The following MYO1D variants were observed in gnomAD, a reference collection of about 807,000 sequenced individuals.
MYO1D encodes the protein myosin ID, also known as unconventional myosin-Id.
In MYO1D, 83 loss-of-function variants were observed where a neutral mutation model predicts 122.0. The ratio of observed to expected loss-of-function variants is 0.68; its 90% CI spans 0.57 to 0.82. MYO1D has a LOEUF of 0.82. Among genes scored for constraint, MYO1D ranks in the 40% least tolerant of loss-of-function variants. The pLI, the probability that MYO1D is intolerant of heterozygous loss-of-function variation, is 0.00. For missense variants in MYO1D, 1,157 were observed against 1,269.5 expected (o/e 0.91, Z 1.35); for synonymous variants, 464 against 446.9 (o/e 1.04, Z -0.48).
intron 21 of MYO1D, among the ~76,000 whole-genome samples, chr17:32,523,885 A>C (rs141282696): frequency 4.1e-4 from 62 of 152,118 alleles, no homozygotes; most frequent in Middle Eastern, 3.4e-3. Flanking sequence ...GCCGTGGGGC[A>C]AACTTCTTAA....
At chr17:32,547,597 C>T (rs1376988604) in intron 21 of MYO1D, among the ~76,000 whole-genome samples, 1 of 152,244 alleles carries the variant, frequency 6.6e-6, no homozygotes, top group Non-Finnish European at 1.5e-5. Context: ...CCAACCGCTT[C>T]TGCAGCATCC....
chr17:32,584,428 T>G (rs118156268), intron 21 of MYO1D, among the ~76,000 whole-genome samples: 336 of 152,292 alleles, frequency 2.2e-3, no homozygotes, highest in Non-Finnish European at 3.6e-3. Context: ...TCTTTTACCA[T>G]CTTAACTATT....
chr17:32,797,544 T>C (rs2090427926), intron 1 of MYO1D, among the ~76,000 whole-genome samples: 2 of 152,250 alleles, frequency 1.3e-5, no homozygotes, highest in African/African-American at 2.4e-5. Context: ...TTACAGTTTA[T>C]TGTTATAATT....
At chr17:32,608,413 A>C (rs1006745395) in intron 20 of MYO1D, among the ~76,000 whole-genome samples, 2 of 152,222 alleles carry the variant, frequency 1.3e-5, no homozygotes, top group Non-Finnish European at 2.9e-5. Context: ...TGCAAACTAA[A>C]ACTGCAATGG....
chr17:32,767,293 C>T (rs546400605), intron 7 of MYO1D, among the ~76,000 whole-genome samples: 23 of 152,220 alleles, frequency 1.5e-4, no homozygotes, highest in Non-Finnish European at 2.6e-4. Flanking sequence ...AATCCAGTTC[C>T]GATAACCTAT....
chr17:32,685,367 T>C (rs1434193668), intron 16 of MYO1D, among the ~76,000 whole-genome samples: 1 of 152,240 alleles, frequency 6.6e-6, no homozygotes, highest in Non-Finnish European at 1.5e-5. Flanking sequence ...GAAAATACTG[T>C]AATTAATATA....
intron 21 of MYO1D, among the ~76,000 whole-genome samples, chr17:32,509,607 A>G (rs1013493147): frequency 1.3e-5 from 2 of 150,490 alleles, no homozygotes; most frequent in African/African-American, 4.9e-5. Flanking sequence ...TTTTTTTGAG[A>G]CAGAGTCTTG....
chr17:32,576,987 C>A (rs926291066), intron 21 of MYO1D, among the ~76,000 whole-genome samples: 3 of 151,998 alleles, frequency 2.0e-5, no homozygotes, highest in Non-Finnish European at 4.4e-5. Context: ...TGGTGGCTCA[C>A]GCCTGTAATC....
At chr17:32,654,960 G>A (rs895768428) in intron 17 of MYO1D, among the ~76,000 whole-genome samples, 5 of 152,184 alleles carry the variant, frequency 3.3e-5, no homozygotes, top group South Asian at 2.1e-4. Flanking sequence ...TTACAGGCAT[G>A]AGCCACCACG....
chr17:32,526,512 T>C (rs1011090709), intron 21 of MYO1D, among the ~76,000 whole-genome samples: 1 of 152,134 alleles, frequency 6.6e-6, no homozygotes, highest in African/African-American at 2.4e-5. Context: ...CTAAGATTAA[T>C]ACCTAAATAC....
chr17:32,508,303 C>T (rs906967158), intron 21 of MYO1D, among the ~76,000 whole-genome samples: 28 of 151,890 alleles, frequency 1.8e-4, no homozygotes, highest in Middle Eastern at 3.4e-3. Flanking sequence ...GAGACAGAGT[C>T]TTGCTCTGTC....
rs975673669 is a variant in MYO1D at position 32,652,937 on chromosome 17, C to T, written c.2595+906G>A. 2.6e-5 allele frequency among the ~76,000 whole-genome samples: 4 copies of T among 152,076 alleles called. No individual in the cohort carries two copies. The East Asian group carries it at 5.8e-4, about 22-fold the overall frequency. ...CGGGCGGATCACGAGGTCAGGAGATCGAGACCATCCTGGCTAACATGGTGA... is the reference window on the plus strand; with the variant it reads ...CGGGCGGATCACGAGGTCAGGAGATTGAGACCATCCTGGCTAACATGGTGA... On this transcript the variant is annotated intron_variant, in intron 19 of 21. Coordinates refer to ENST00000318217, the MANE Select transcript of MYO1D (RefSeq NM_015194.3).
intron 1 of MYO1D, among the ~76,000 whole-genome samples, chr17:32,864,946 C>A (rs1021069756): frequency 6.6e-6 from 1 of 152,002 alleles, no homozygotes; most frequent in African/African-American, 2.4e-5. Flanking sequence ...TTAAAAAAAA[C>A]AGTTGTACTC....
At chr17:32,785,363 T>C (rs533553587) in intron 1 of MYO1D, among the ~76,000 whole-genome samples, 1 of 152,334 alleles carries the variant, frequency 6.6e-6, no homozygotes, top group African/African-American at 2.4e-5. Flanking sequence ...ACCTTATTCG[T>C]AAGTATTATT....
chr17:32,681,480 T>C (rs12559756), intron 16 of MYO1D, among the ~76,000 whole-genome samples: 59,573 of 144,038 alleles, frequency 0.41, 12,725 homozygotes, highest in East Asian at 0.52. Context: ...TCAAAGAACA[T>C]CTTTATTTCT....
At chr17:32,818,144 A>G (rs2090629573) in intron 1 of MYO1D, among the ~76,000 whole-genome samples, 1 of 146,478 alleles carries the variant, frequency 6.8e-6, no homozygotes, top group Non-Finnish European at 1.5e-5. Context: ...AAAAAAAAAA[A>G]AGAGGTAGTA....
intron 16 of MYO1D, among the ~76,000 whole-genome samples, chr17:32,675,098 T>C (rs1257034563): frequency 6.6e-6 from 1 of 152,198 alleles, no homozygotes; most frequent in Non-Finnish European, 1.5e-5. Flanking sequence ...CTATGAAGAC[T>C]GTTACTGGTC....
intron 21 of MYO1D, among the ~76,000 whole-genome samples, chr17:32,566,996 C>T (rs2087180348): frequency 6.7e-6 from 1 of 150,292 alleles, no homozygotes; most frequent in Admixed American, 6.7e-5. Context: ...GTGCTCCATC[C>T]ATGTTCACAG....
At position 32,755,510 on chromosome 17, in the gene MYO1D, G is replaced by T. The variant is rs576692452; in HGVS notation, c.1449C>A (p.Ala483=). Reference sequence around the variant, plus strand: ...ACATTACCTTTCGGCTGGAAAAATGGGCGTGTTTGCCCAATTTACTGTTAA... The same window carrying T: ...ACATTACCTTTCGGCTGGAAAAATGTGCGTGTTTGCCCAATTTACTGTTAA... ...EALNSKLGKH[A]HFSSRKLCAS... The change falls in exon 11 of 22, where the codon GCC becomes GCA. Residue 483 remains alanine (A), a synonymous_variant. Transcript: ENST00000318217. 16 of 1,613,730 alleles carry T rather than the reference G, an allele frequency of 9.9e-6. No individual in the cohort carries two copies. In the South Asian group the frequency reaches 1.8e-4, roughly 18 times the overall value.
Sources: gnomAD v4.1 joint callset for allele counts (sites outside exome capture counted in the v4.1 genomes callset) on GRCh38, gnomAD v4.1.1 for gene constraint, MANE v1.5 for transcripts, NCBI Gene and HGNC (gene_info 2026-07-23, HGNC 2026-07-21) for gene names.